Variants in STOX2 observed in about 807,000 individuals in gnomAD.
STOX2 encodes storkhead-box protein 2.
STOX2 carries 28 observed loss-of-function variants against 60.9 expected under a neutral mutation model. The ratio of observed to expected loss-of-function variants is 0.46; its 90% CI spans 0.34 to 0.63. The LOEUF is 0.63. Among genes scored for constraint, STOX2 ranks in the 30% least tolerant of loss-of-function variants. The pLI, the probability that STOX2 is intolerant of heterozygous loss-of-function variation, is 0.01. For synonymous variants in STOX2, 472 were observed against 463.9 expected (o/e 1.02, Z -0.22); for missense variants, 1,024 against 1,187.7 (o/e 0.86, Z 2.03).
intron 1 of STOX2, among the ~76,000 whole-genome samples, chr4:183,812,982 A>T (rs538820352): frequency 6.6e-6 from 1 of 152,362 alleles, no homozygotes; most frequent in South Asian, 2.1e-4. Flanking sequence ...GTGATCAATT[A>T]TTTAAAAAAA....
intron 1 of STOX2, among the ~76,000 whole-genome samples, chr4:183,921,078 T>C (rs561403271): frequency 1.3e-5 from 2 of 152,372 alleles, no homozygotes; most frequent in South Asian, 4.1e-4. Context: ...CACAGTCTAA[T>C]TTCTGCCATC....
At chr4:183,862,603 G>A (rs1448272906) in intron 1 of STOX2, among the ~76,000 whole-genome samples, 1 of 152,238 alleles carries the variant, frequency 6.6e-6, no homozygotes, top group African/African-American at 2.4e-5. Flanking sequence ...ATGGGAGGGA[G>A]CAGTGGGAGG....
intron 1 of STOX2, among the ~76,000 whole-genome samples, chr4:183,989,169 G>GTTTTTTTTTTTT (rs11421201): frequency 2.5e-5 from 2 of 80,008 alleles, no homozygotes; most frequent in Non-Finnish European, 4.6e-5. Flanking sequence ...ATTTTTTCTG[G>GTTTTTTTTTTTT]TTTTTTTTTT....
rs893872973 is a variant in STOX2, at chr4:183,825,636, G to C, written c.364+27581G>C. On this transcript the variant is annotated intron_variant, in intron 1 of 2. Coordinates refer to the STOX2 transcript ENST00000513034. This position sits in a 1 kb window ranked among gnomAD's most constrained non-coding sequence, Gnocchi z 4.1. ...CGTCCTCTGTGTCCCAGGACTCGCG[G>C]TGAAGCCCTGAGCATGGGCTTCCAT... 6.6e-6 allele frequency among the ~76,000 whole-genome samples: 1 copy of C among 152,214 alleles called. No individual in the cohort carries two copies. The highest frequency in any genetic ancestry group is 2.4e-5 in the African/African-American group (1 of 41,458).
chr4:183,814,920 G>A (rs1739116424), intron 1 of STOX2, among the ~76,000 whole-genome samples: 1 of 152,116 alleles, frequency 6.6e-6, no homozygotes, highest in Admixed American at 6.6e-5. Flanking sequence ...GTTACTTTGA[G>A]TATAAAGATT....
At chr4:183,969,531 G>A (rs1743676859) in intron 1 of STOX2, among the ~76,000 whole-genome samples, 1 of 151,978 alleles carries the variant, frequency 6.6e-6, no homozygotes, top group Non-Finnish European at 1.5e-5. Flanking sequence ...GCCTCCCAAA[G>A]CCCTGAGATT....
At chr4:183,967,149 G>A (rs1743597708) in intron 1 of STOX2, among the ~76,000 whole-genome samples, 1 of 152,092 alleles carries the variant, frequency 6.6e-6, no homozygotes, top group South Asian at 2.1e-4. Flanking sequence ...GATCACCTGA[G>A]GTCGGGAGTT....
intron 2 of STOX2, among the ~76,000 whole-genome samples, chr4:184,008,803 C>G (rs1204432639): frequency 6.6e-6 from 1 of 152,124 alleles, no homozygotes; most frequent in East Asian, 1.9e-4. Context: ...TCTATACTTT[C>G]ATATCATATC....
intron 1 of STOX2, among the ~76,000 whole-genome samples, chr4:183,872,372 C>T (rs886098277): frequency 1.3e-5 from 2 of 151,936 alleles, no homozygotes; most frequent in African/African-American, 2.4e-5. Flanking sequence ...AACCATTGGA[C>T]CTTGTTCAAG....
At chr4:183,828,836 GT>G (rs1224381165) in intron 1 of STOX2, among the ~76,000 whole-genome samples, 1 of 152,158 alleles carries the variant, frequency 6.6e-6, no homozygotes, top group Non-Finnish European at 1.5e-5. Context: ...GCCTGATGGA[GT>G]TTTTTTCTGT....
At chr4:183,842,293 A>G (rs1305235974) in intron 1 of STOX2, among the ~76,000 whole-genome samples, 1 of 152,196 alleles carries the variant, frequency 6.6e-6, no homozygotes, top group Non-Finnish European at 1.5e-5. Flanking sequence ...CTCATTTTTC[A>G]GATGCTTTGA....
chr4:183,881,689 G>A (rs1228212389), intron 1 of STOX2, among the ~76,000 whole-genome samples: 1 of 152,128 alleles, frequency 6.6e-6, no homozygotes, highest in Non-Finnish European at 1.5e-5. Flanking sequence ...TGATATTTAG[G>A]CAGAAATACA....
intron 1 of STOX2, among the ~76,000 whole-genome samples, chr4:183,938,669 C>CA (rs10577405): frequency 0.021 from 1,735 of 81,796 alleles, 15 homozygotes; most frequent in African/African-American, 0.048. Flanking sequence ...ACTCCGTCTC[C>CA]AAAAAAAAAA....
At chr4:183,888,395 G>A (rs998334023) in intron 1 of STOX2, among the ~76,000 whole-genome samples, 7 of 152,254 alleles carry the variant, frequency 4.6e-5, no homozygotes, top group East Asian at 1.9e-4. Context: ...TGAGGCCCAG[G>A]GATGCTCACA....
At chr4:183,877,922 C>T (rs751279952) in intron 1 of STOX2, among the ~76,000 whole-genome samples, 31 of 152,026 alleles carry the variant, frequency 2.0e-4, no homozygotes, top group Non-Finnish European at 4.3e-4. Context: ...ACTCTTGACC[C>T]CAAGTAATCT....
intron 1 of STOX2, among the ~76,000 whole-genome samples, chr4:183,982,140 A>G (rs1579501734): frequency 6.6e-6 from 1 of 152,208 alleles, no homozygotes; most frequent in African/African-American, 2.4e-5. Flanking sequence ...CTCTAGGATT[A>G]TATACGATTA....
rs1176747328 is a variant in STOX2, at chr4:183,821,973, C to T, written c.364+23918C>T. On this transcript the variant is annotated intron_variant, in intron 1 of 2. Coordinates refer to the STOX2 transcript ENST00000513034. This position sits in a 1 kb window ranked among gnomAD's most constrained non-coding sequence, Gnocchi z 4.2. ...ACGCTTGTGTGTGGAAAAGGTGATACAGTTTGTGTCGGGTCTTGCAGCCAG... is the reference window on the plus strand; with the variant it reads ...ACGCTTGTGTGTGGAAAAGGTGATATAGTTTGTGTCGGGTCTTGCAGCCAG... 6.6e-6 allele frequency among the ~76,000 whole-genome samples: 1 copy of T among 152,232 alleles called. No individual in the cohort carries two copies. The highest frequency in any genetic ancestry group is 1.9e-4 in the East Asian group (1 of 5,186).
Position 183,825,901 on chromosome 4 carries a change from A to G in STOX2, c.364+27846A>G, listed in dbSNP as rs1739420018. Among the ~76,000 whole-genome samples the G allele has an allele frequency of 6.6e-6, 1 of 152,160 alleles. No individual in the cohort carries two copies. The highest frequency in any genetic ancestry group is 1.5e-5 in the Non-Finnish European group (1 of 68,026). On this transcript the variant is annotated intron_variant, in intron 1 of 2. Coordinates refer to the STOX2 transcript ENST00000513034. This position sits in a 1 kb window ranked among gnomAD's most constrained non-coding sequence, Gnocchi z 4.1. ...GTCAGTTTGGCAAATGATGGGGAGAAGGCGCGAGAAGGGTCGTTGGCTGTG... is the reference window on the plus strand; with the variant it reads ...GTCAGTTTGGCAAATGATGGGGAGAGGGCGCGAGAAGGGTCGTTGGCTGTG...
intron 1 of STOX2, among the ~76,000 whole-genome samples, chr4:183,867,539 A>C (rs1401071280): frequency 6.6e-6 from 1 of 152,218 alleles, no homozygotes; most frequent in Non-Finnish European, 1.5e-5. Context: ...TTAAAGTGTC[A>C]TAGTCACTCG....
Sources: gnomAD v4.1 joint callset for allele counts (sites outside exome capture counted in the v4.1 genomes callset) on GRCh38, gnomAD v4.1.1 for gene constraint, Gnocchi (gnomAD v3.1) non-coding constraint, MANE v1.5 for transcripts, NCBI Gene and HGNC (gene_info 2026-07-23, HGNC 2026-07-21) for gene names.